The following GSK3B variants were observed in gnomAD, a reference collection of about 807,000 sequenced individuals.
GSK3B encodes glycogen synthase kinase-3 beta.
Under a neutral mutation model 56.4 loss-of-function variants are expected in GSK3B, and 15 were observed. That is an observed-to-expected ratio of 0.27 (90% confidence interval 0.18 to 0.41). GSK3B has a LOEUF of 0.41. Ranked by LOEUF, GSK3B falls within the 10% of genes least tolerant of loss-of-function variation. The probability of loss-of-function intolerance (pLI) is 1.00; values close to 1 mark genes in which losing one functional copy is unlikely to be tolerated. For missense variants in GSK3B, 300 were observed against 513.4 expected, an observed-to-expected ratio of 0.58 and a Z score of 4.02; for synonymous variants, 181 against 188.9, an observed-to-expected ratio of 0.96 and a Z score of 0.34.
chr3:119,996,021 A>C (rs1360957217), intron 2 of GSK3B, among the ~76,000 whole-genome samples: 1 of 152,352 alleles, frequency 6.6e-6, no homozygotes, highest in African/African-American at 2.4e-5. Context: ...TACAAGCGTG[A>C]GCCACCACTC....
intron 9 of GSK3B, among the ~76,000 whole-genome samples, chr3:119,863,098 A>C (rs913460781): frequency 6.6e-6 from 1 of 152,236 alleles, no homozygotes; most frequent in African/African-American, 2.4e-5. Context: ...TTTCAGATCC[A>C]AACCTAAAAG....
chr3:120,009,330 C>G (rs1255566908), intron 1 of GSK3B, among the ~76,000 whole-genome samples: 1 of 152,142 alleles, frequency 6.6e-6, no homozygotes, highest in African/African-American at 2.4e-5. Flanking sequence ...CATCCCATTA[C>G]TCAGCATATA....
intron 7 of GSK3B, among the ~76,000 whole-genome samples, chr3:119,889,319 C>A (rs2056475763): frequency 6.6e-6 from 1 of 152,028 alleles, no homozygotes; most frequent in African/African-American, 2.4e-5. Flanking sequence ...ATAGAAAAAA[C>A]CTATGTTGAA....
At chr3:119,962,846 G>A (rs1397760655) in intron 2 of GSK3B, among the ~76,000 whole-genome samples, 1 of 152,202 alleles carries the variant, frequency 6.6e-6, no homozygotes, top group Non-Finnish European at 1.5e-5. Context: ...TAAGGAGTGT[G>A]CAACCTAAAT....
chr3:119,839,512 T>C (rs1189319306), intron 10 of GSK3B, among the ~76,000 whole-genome samples: 1 of 152,192 alleles, frequency 6.6e-6, no homozygotes, highest in Non-Finnish European at 1.5e-5. Flanking sequence ...GGTATTCTGA[T>C]GATCTTGCTC....
intron 2 of GSK3B, among the ~76,000 whole-genome samples, chr3:119,968,864 C>T (rs1042967832): frequency 6.6e-6 from 1 of 152,098 alleles, no homozygotes; most frequent in Non-Finnish European, 1.5e-5. Context: ...AGTAAAGTTG[C>T]AGGATACAAA....
intron 8 of GSK3B, among the ~76,000 whole-genome samples, chr3:119,864,152 A>C (rs2056146168): frequency 6.6e-6 from 1 of 152,210 alleles, no homozygotes; most frequent in Admixed American, 6.5e-5. Flanking sequence ...AATACCTAGA[A>C]TTTGATAAAA....
chr3:119,890,504 G>A (rs1279490810), intron 7 of GSK3B, among the ~76,000 whole-genome samples: 1 of 151,994 alleles, frequency 6.6e-6, no homozygotes, highest in Non-Finnish European at 1.5e-5. Context: ...AATGAACAGG[G>A]TGACCAACCA....
At chr3:119,971,492 T>C (rs2057365506) in intron 2 of GSK3B, among the ~76,000 whole-genome samples, 1 of 152,052 alleles carries the variant, frequency 6.6e-6, no homozygotes, top group African/African-American at 2.4e-5. Context: ...GCTAACAGAA[T>C]TTCATTATAG....
intron 1 of GSK3B, among the ~76,000 whole-genome samples, chr3:120,063,169 A>G (rs1187603466): frequency 6.6e-6 from 1 of 152,218 alleles, no homozygotes; most frequent in African/African-American, 2.4e-5. Flanking sequence ...GCCTTTAATA[A>G]AAAGTCTTGA....
chr3:119,929,076 T>C (rs1483950628), intron 3 of GSK3B, among the ~76,000 whole-genome samples: 1 of 152,126 alleles, frequency 6.6e-6, no homozygotes, highest in Non-Finnish European at 1.5e-5. Flanking sequence ...TCCTATTTCT[T>C]GTAAAGTAAG....
intron 10 of GSK3B, among the ~76,000 whole-genome samples, chr3:119,840,224 ATTT>A (rs59879900): frequency 1.3e-4 from 18 of 138,548 alleles, no homozygotes; most frequent in Non-Finnish European, 1.4e-4. Flanking sequence ...GATGCCGAGA[ATTT>A]TTTTTTTTTT....
intron 10 of GSK3B, among the ~76,000 whole-genome samples, chr3:119,832,004 T>A (rs901245251): frequency 6.6e-6 from 1 of 152,240 alleles, no homozygotes; most frequent in African/African-American, 2.4e-5. Flanking sequence ...TTCATGCCTC[T>A]TGGTATCCAT....
At chr3:119,841,425 A>G (rs1432121339) in intron 10 of GSK3B, among the ~76,000 whole-genome samples, 1 of 152,226 alleles carries the variant, frequency 6.6e-6, no homozygotes, top group Non-Finnish European at 1.5e-5. Context: ...TGTAGAAATG[A>G]GCTCAGTAAG....
chr3:120,008,318 T>A (rs1395384061), intron 1 of GSK3B, among the ~76,000 whole-genome samples: 2 of 150,014 alleles, frequency 1.3e-5, no homozygotes, highest in African/African-American at 4.9e-5. Flanking sequence ...AAGTAATTTA[T>A]AGCTACCACT....
At chr3:120,013,118 T>C (rs2057793676) in intron 1 of GSK3B, among the ~76,000 whole-genome samples, 1 of 152,182 alleles carries the variant, frequency 6.6e-6, no homozygotes, top group South Asian at 2.1e-4. Flanking sequence ...TTTTTTGAAG[T>C]CTTCTCAAGT....
chr3:119,836,856 C>T (rs534831491), intron 10 of GSK3B, among the ~76,000 whole-genome samples: 44 of 152,294 alleles, frequency 2.9e-4, no homozygotes, highest in Non-Finnish European at 4.6e-4. Flanking sequence ...TTCTAGTAGG[C>T]TCTGCCTTGT....
At chr3:119,959,990 T>C (rs1041790217) in intron 2 of GSK3B, among the ~76,000 whole-genome samples, 35 of 151,862 alleles carry the variant, frequency 2.3e-4, no homozygotes, top group Non-Finnish European at 2.4e-4. Flanking sequence ...CATATGAATG[T>C]TCAAAGCAGC....
chr3:120,093,563 C>A lies in GSK3B; in HGVS notation c.-129G>T. 1.6e-6 allele frequency: 1 copy of A among 632,196 alleles called. No individual in the cohort carries two copies. The allele number at this position is 632,196 out of a possible 1,614,324, so 39.2% of individuals were successfully genotyped here. A position where few individuals can be genotyped will look rare whatever the true frequency, so the allele number is the denominator to read the frequency against. On this transcript the variant is annotated 5_prime_UTR_variant, in exon 1 of 11. Transcript: ENST00000264235. ...CCACAGAAGAAAAAGAAAAAGACTT[C>A]GTCCTCTTGGCTTTTCACTCCTTTT...
Sources: allele counts gnomAD v4.1 joint callset (sites outside exome capture counted in the v4.1 genomes callset), GRCh38; gene constraint gnomAD v4.1.1; transcripts MANE v1.5; gene names NCBI Gene and HGNC (gene_info 2026-07-23, HGNC 2026-07-21).